BASP1: variants seen among roughly 807,000 people sequenced by gnomAD.
BASP1 encodes the protein brain acid soluble protein 1.
Under a neutral mutation model 2.2 loss-of-function variants are expected in BASP1, and 1 was observed. That is an observed-to-expected ratio of 0.46 (90% CI 0.16 to 2.17). The LOEUF (loss-of-function observed/expected upper bound fraction) is 2.17. Among genes scored for constraint, BASP1 ranks in the 30% most tolerant of loss-of-function variants. BASP1 has a pLI of 0.27. For missense variants in BASP1, 352 were observed against 327.2 expected, an observed-to-expected ratio of 1.08 and a Z score of -0.58; for synonymous variants, 187 against 154.2, an observed-to-expected ratio of 1.21 and a Z score of -1.58.
intron 1 of BASP1, among the ~76,000 whole-genome samples, chr5:17,271,220 C>A (rs552377902): frequency 6.6e-6 from 1 of 152,186 alleles, no homozygotes; most frequent in South Asian, 2.1e-4. Flanking sequence ...CTCACTGCAA[C>A]CTCTGCCTCC....
intron 1 of BASP1, among the ~76,000 whole-genome samples, chr5:17,244,134 C>T (rs920652651): frequency 4.6e-5 from 7 of 152,064 alleles, no homozygotes; most frequent in South Asian, 2.1e-4. Context: ...TAAGATTATA[C>T]GTATTGTACA....
chr5:17,261,137 A>G (rs972870499), intron 1 of BASP1, among the ~76,000 whole-genome samples: 1 of 152,264 alleles, frequency 6.6e-6, no homozygotes, highest in African/African-American at 2.4e-5. Flanking sequence ...CACAGTAAGG[A>G]CACAATAAGA....
At chr5:17,228,633 C>T (rs1434473252) in intron 1 of BASP1, among the ~76,000 whole-genome samples, 1 of 152,124 alleles carries the variant, frequency 6.6e-6, no homozygotes, top group African/African-American at 2.4e-5. Flanking sequence ...TATTCTTTGA[C>T]CATATCCTTG....
rs999081832 is a variant in BASP1, at chr5:17,236,841, A to G, written c.-10+19031A>G. On this transcript the variant is annotated intron_variant, in intron 1 of 1. Transcript: ENST00000322611. This position sits in a 1 kb window ranked among gnomAD's most constrained non-coding sequence, Gnocchi z 4.0. ...AAATGTTTTTAGTACTTTTCTTGGT[A>G]TCTTCTAATCTTCAGAAAAAAATTC... 6.6e-6 allele frequency among the ~76,000 whole-genome samples: 1 copy of G among 152,208 alleles called. No individual in the cohort carries two copies. Among genetic ancestry groups the G allele is most frequent in the Non-Finnish European group, 1.5e-5 (1 of 68,032 alleles).
At chr5:17,252,075 A>G (rs1381192835) in intron 1 of BASP1, among the ~76,000 whole-genome samples, 1 of 152,204 alleles carries the variant, frequency 6.6e-6, no homozygotes. Flanking sequence ...GGAGGAAGTC[A>G]TGGACAGAGG....
intron 1 of BASP1, among the ~76,000 whole-genome samples, chr5:17,270,760 A>G (rs1740514445): frequency 1.3e-5 from 2 of 152,216 alleles, no homozygotes; most frequent in East Asian, 3.8e-4. Context: ...GAAGGAACTA[A>G]CATTTTTGCA....
At chr5:17,257,403 G>T (rs1020643742) in intron 1 of BASP1, among the ~76,000 whole-genome samples, 1 of 152,088 alleles carries the variant, frequency 6.6e-6, no homozygotes, top group Non-Finnish European at 1.5e-5. Flanking sequence ...TGGTCCCACC[G>T]ATCTTTTACT....
At chr5:17,255,832 A>G (rs769937569) in intron 1 of BASP1, among the ~76,000 whole-genome samples, 1 of 152,214 alleles carries the variant, frequency 6.6e-6, no homozygotes, top group African/African-American at 2.4e-5. Context: ...TTCCTCAAAC[A>G]TATCTGTTGC....
Position 17,276,155 on chromosome 5 carries a change from A to ATATACC in BASP1, c.*257_*262dup, listed in dbSNP as rs1393303305. ...TAGTATTTTTGTGGGGAAATATCTA[A>ATATACC]TATACCTTCAGTCAACTTTACCAAG... On this transcript the variant is annotated 3_prime_UTR_variant, in exon 2 of 2. Transcript: ENST00000322611. 2.9e-6 allele frequency: 1 copy of ATATACC among 344,094 alleles called. No homozygotes were observed. Among genetic ancestry groups the ATATACC allele is most frequent in the East Asian group, 4.6e-5 (1 of 21,622 alleles). 21.3% of individuals were successfully genotyped at this position (344,094 alleles called of 1,614,324 possible).
intron 1 of BASP1, among the ~76,000 whole-genome samples, chr5:17,238,799 G>A (rs1243449835): frequency 6.6e-6 from 1 of 152,168 alleles, no homozygotes; most frequent in Non-Finnish European, 1.5e-5. Context: ...ATGACTCCAT[G>A]CGTTTTCAAA....
intron 1 of BASP1, among the ~76,000 whole-genome samples, chr5:17,230,111 C>T (rs997799662): frequency 1.3e-5 from 2 of 152,148 alleles, no homozygotes; most frequent in African/African-American, 2.4e-5. Context: ...TTTAAAATCT[C>T]CTACCCAGAG....
rs1740618958 is a variant in BASP1 at position 17,275,398 on chromosome 5, A to G, written c.182A>G (p.Asp61Gly). The change falls in exon 2 of 2, where the codon GAC (aspartate) becomes GGC (glycine). Residue 61 changes from aspartate (D) to glycine (G), a missense_variant. Physicochemically the swap from Asp to Gly is moderately conservative, Grantham distance 94. Coordinates refer to ENST00000322611, the MANE Select transcript of BASP1 (RefSeq NM_006317.5). The surrounding 1 kb of genome is among the most constrained non-coding windows in gnomAD (Gnocchi z 5.3). ...GAGGGCAAGGAGAAGCCCGACCAGG[A>G]CGCCGAGGGCAAGGCCGAGGAGAAG... ...AKEGKEKPDQ[D>G]AEGKAEEKEG... 6.3e-7 allele frequency: 1 copy of G among 1,580,034 alleles called. No individual in the cohort carries two copies. Among genetic ancestry groups the G allele is most frequent in the East Asian group, 2.3e-5 (1 of 43,294 alleles).
intron 1 of BASP1, among the ~76,000 whole-genome samples, chr5:17,230,438 T>C (rs1739608564): frequency 6.6e-6 from 1 of 152,218 alleles, no homozygotes; most frequent in African/African-American, 2.4e-5. Flanking sequence ...CTAATGAATT[T>C]TGGGGCCTTT....
At position 17,255,079 on chromosome 5, in the gene BASP1, T is replaced by TTTTA. The variant is rs570517461; in HGVS notation, c.-9-20113_-9-20110dup. Reference sequence around the variant, plus strand: ...TGATCATTTATTCTAACTGGCAACATTTTATTTATTTATTTATTTGGACCC... The same window carrying TTTTA: ...TGATCATTTATTCTAACTGGCAACATTTTATTTATTTATTTATTTATTTGGACCC... On this transcript the variant is annotated intron_variant, in intron 1 of 1. Coordinates refer to ENST00000322611, the MANE Select transcript of BASP1 (RefSeq NM_006317.5). 7.5e-3 allele frequency among the ~76,000 whole-genome samples: 1,140 copies of TTTTA among 152,282 alleles called. 46 individuals are homozygous for TTTTA. The highest frequency in any genetic ancestry group is 0.068 in the Admixed American group (1,041 of 15,284).
chr5:17,245,069 C>T (rs945850457), intron 1 of BASP1, among the ~76,000 whole-genome samples: 7 of 151,040 alleles, frequency 4.6e-5, no homozygotes, highest in African/African-American at 1.5e-4. Flanking sequence ...TTTGGGAGGC[C>T]GAGGTGGGTA....
chr5:17,248,788 T>TA (rs1740044144), intron 1 of BASP1, among the ~76,000 whole-genome samples: 1 of 152,196 alleles, frequency 6.6e-6, no homozygotes, highest in Non-Finnish European at 1.5e-5. Flanking sequence ...TCTTAAAAAA[T>TA]ATGTACCACA....
At chr5:17,225,837 TA>T (rs1739492280) in intron 1 of BASP1, among the ~76,000 whole-genome samples, 1 of 152,240 alleles carries the variant, frequency 6.6e-6, no homozygotes, top group Non-Finnish European at 1.5e-5. Flanking sequence ...CTTTTTTATT[TA>T]AAATTACCAT....
At chr5:17,220,031 A>T (rs1204118586) in intron 1 of BASP1, among the ~76,000 whole-genome samples, 1 of 152,242 alleles carries the variant, frequency 6.6e-6, no homozygotes. Context: ...TACCACACAA[A>T]AAGGGACTTA....
At chr5:17,245,196 G>A (rs1739951969) in intron 1 of BASP1, among the ~76,000 whole-genome samples, 1 of 151,386 alleles carries the variant, frequency 6.6e-6, no homozygotes, top group African/African-American at 2.4e-5. Flanking sequence ...CAGCTACTCA[G>A]GAGGCTGAGG....
Sources: gnomAD v4.1 joint callset for allele counts (sites outside exome capture counted in the v4.1 genomes callset) on GRCh38, gnomAD v4.1.1 for gene constraint, Gnocchi (gnomAD v3.1) non-coding constraint, MANE v1.5 for transcripts, NCBI Gene and HGNC (gene_info 2026-07-23, HGNC 2026-07-21) for gene names.